Variants in NCAM2 observed in about 807,000 individuals in gnomAD.
The protein encoded by NCAM2 is neural cell adhesion molecule 2.
A neutral mutation model predicts 98.1 loss-of-function variants in NCAM2; 30 were observed. That is an observed-to-expected ratio of 0.31 (90% CI 0.23 to 0.41). NCAM2 has a LOEUF of 0.41. Among genes scored for constraint, NCAM2 ranks in the 10% least tolerant of loss-of-function variants. The probability of loss-of-function intolerance (pLI) is 1.00; values close to 1 mark genes in which losing one functional copy is unlikely to be tolerated. For synonymous variants in NCAM2, 368 were observed against 342.4 expected (o/e 1.07, Z -0.83); for missense variants, 867 against 1,005.8 (o/e 0.86, Z 1.87).
At chr21:21,377,245 A>G (rs1040462025) in intron 9 of NCAM2, among the ~76,000 whole-genome samples, 3 of 151,820 alleles carry the variant, frequency 2.0e-5, no homozygotes, top group Admixed American at 6.6e-5. Context: ...TGACCTATGT[A>G]TACACCACTA....
At chr21:21,527,755 G>T (rs1040920790) in intron 16 of NCAM2, among the ~76,000 whole-genome samples, 1 of 152,148 alleles carries the variant, frequency 6.6e-6, no homozygotes, top group African/African-American at 2.4e-5. Context: ...TGATGGAAAT[G>T]CAGTGATACA....
intron 1 of NCAM2, among the ~76,000 whole-genome samples, chr21:21,244,074 T>C (rs2071171952): frequency 6.6e-6 from 1 of 152,148 alleles, no homozygotes; most frequent in South Asian, 2.1e-4. Flanking sequence ...TATCCATTGG[T>C]CCAGTTTAGG....
intron 1 of NCAM2, among the ~76,000 whole-genome samples, chr21:21,081,652 G>A (rs1171825659): frequency 2.0e-5 from 3 of 149,046 alleles, no homozygotes; most frequent in South Asian, 2.1e-4. Flanking sequence ...ACTACAAAAC[G>A]TAGCCAGGCG....
At chr21:21,165,483 A>G (rs1222898455) in intron 1 of NCAM2, among the ~76,000 whole-genome samples, 1 of 152,142 alleles carries the variant, frequency 6.6e-6, no homozygotes, top group Non-Finnish European at 1.5e-5. Context: ...GCCAACATAA[A>G]TACAGTGTGG....
At chr21:21,259,143 C>T (rs1229397577) in intron 1 of NCAM2, among the ~76,000 whole-genome samples, 1 of 152,104 alleles carries the variant, frequency 6.6e-6, no homozygotes, top group Non-Finnish European at 1.5e-5. Flanking sequence ...TGAGGATGTG[C>T]AGCTTGGACT....
Position 21,537,910 on chromosome 21 carries a change from G to C in NCAM2, c.2467G>C (p.Val823Leu), listed in dbSNP as rs766716033. 1.8e-5 allele frequency: 28 copies of C among 1,582,660 alleles called. No individual in the cohort carries two copies. The highest frequency in any genetic ancestry group is 2.1e-5 in the Non-Finnish European group (25 of 1,165,310). Residue 823 changes from valine to leucine, a missense_variant, in exon 18 of 18, where the codon GTT becomes CTT. Transcript: ENST00000400546. ...ALNPETIEIK[V>L]SNDIIQSKED... ...AAATCCAGAAACTATAGAAATTAAA[G>C]TTTCTAACGACATCATTCAATCAAA...
intron 15 of NCAM2, among the ~76,000 whole-genome samples, chr21:21,494,906 A>AT (rs1260036882): frequency 6.9e-4 from 7 of 10,080 alleles, no homozygotes; most frequent in East Asian, 0.056. Context: ...GTTTTTAGCC[A>AT]ATTTTTTTCA....
rs1394756223 is a variant in NCAM2, at chr21:21,126,828, C to G, written c.55+128210C>G. ...TACACAGTTATACTTCTGAAACTGTCATACGTGTGTATTATGAAAGGTCAT... is the reference window on the plus strand; with the variant it reads ...TACACAGTTATACTTCTGAAACTGTGATACGTGTGTATTATGAAAGGTCAT... On this transcript the variant is annotated intron_variant, in intron 1 of 17. Transcript: ENST00000400546. Among the ~76,000 whole-genome samples, 3 of 152,064 alleles carry G rather than the reference C, an allele frequency of 2.0e-5. No homozygotes were observed. In the South Asian group the frequency reaches 6.2e-4, roughly 32 times the overall value.
intron 1 of NCAM2, among the ~76,000 whole-genome samples, chr21:21,055,096 T>G (rs933657237): frequency 6.6e-6 from 1 of 152,036 alleles, no homozygotes; most frequent in Admixed American, 6.6e-5. Flanking sequence ...TCTCTTAATT[T>G]TCAGACAACC....
chr21:21,265,194 GTGT>G (rs2072177824), intron 1 of NCAM2, among the ~76,000 whole-genome samples: 1 of 119,482 alleles, frequency 8.4e-6, no homozygotes, highest in Non-Finnish European at 1.7e-5. Flanking sequence ...TAATATATGT[GTGT>G]ATGTATGTGT....
intron 5 of NCAM2, among the ~76,000 whole-genome samples, chr21:21,317,584 A>G (rs2074256755): frequency 6.6e-6 from 1 of 152,058 alleles, no homozygotes; most frequent in South Asian, 2.1e-4. Context: ...TCTGTTGACC[A>G]GGCAGTGACA....
chr21:21,173,036 C>T (rs115415048), intron 1 of NCAM2, among the ~76,000 whole-genome samples: 4,527 of 152,196 alleles, frequency 0.03, 222 homozygotes, highest in African/African-American at 0.1. Flanking sequence ...AATGTATCTT[C>T]ACTTCTTGCA....
At chr21:21,431,267 G>A (rs960927317) in intron 11 of NCAM2, among the ~76,000 whole-genome samples, 4 of 150,782 alleles carry the variant, frequency 2.7e-5, no homozygotes, top group Admixed American at 6.6e-5. Context: ...ATGTTAATGT[G>A]TCTCTAAATC....
At chr21:21,119,158 G>C (rs1881651419) in intron 1 of NCAM2, among the ~76,000 whole-genome samples, 1 of 151,998 alleles carries the variant, frequency 6.6e-6, no homozygotes, top group South Asian at 2.1e-4. Context: ...AGATAATTAG[G>C]CATTTTCTTT....
At chr21:21,427,798 A>C (rs922255130) in intron 11 of NCAM2, among the ~76,000 whole-genome samples, 1 of 152,354 alleles carries the variant, frequency 6.6e-6, no homozygotes. Context: ...CTGCCATTTG[A>C]CTAAAACATT....
intron 1 of NCAM2, among the ~76,000 whole-genome samples, chr21:21,055,166 A>G (rs2065187144): frequency 6.6e-6 from 1 of 152,024 alleles, no homozygotes; most frequent in South Asian, 2.1e-4. Flanking sequence ...CAGAAAGGTG[A>G]TTAAAACCAA....
At chr21:21,241,544 G>T (rs746240785) in intron 1 of NCAM2, among the ~76,000 whole-genome samples, 2 of 152,126 alleles carry the variant, frequency 1.3e-5, no homozygotes, top group Admixed American at 1.3e-4. Context: ...GATTTATTCA[G>T]TGTAAATCAC....
chr21:21,133,036 A>G (rs1190946336), intron 1 of NCAM2, among the ~76,000 whole-genome samples: 2 of 152,216 alleles, frequency 1.3e-5, no homozygotes, highest in Admixed American at 1.3e-4. Context: ...ATATTATGAC[A>G]GTTATTTTCT....
At chr21:21,328,367 T>C (rs1472941471) in intron 6 of NCAM2, among the ~76,000 whole-genome samples, 1 of 152,198 alleles carries the variant, frequency 6.6e-6, no homozygotes, top group Non-Finnish European at 1.5e-5. Context: ...CTCCTTCTAC[T>C]TATAAAAGAG....
Sources: allele counts gnomAD v4.1 joint callset (sites outside exome capture counted in the v4.1 genomes callset), GRCh38; gene constraint gnomAD v4.1.1; transcripts MANE v1.5; gene names NCBI Gene and HGNC (gene_info 2026-07-23, HGNC 2026-07-21).